DAB1: variants seen among roughly 807,000 people sequenced by gnomAD.
DAB1 encodes disabled homolog 1.
A neutral mutation model predicts 64.6 loss-of-function variants in DAB1; 15 were observed. The ratio of observed to expected loss-of-function variants is 0.23; its 90% confidence interval spans 0.16 to 0.36. The LOEUF (loss-of-function observed/expected upper bound fraction) is 0.36. DAB1 is among the 10% of genes least tolerant of loss of function. The probability of loss-of-function intolerance (pLI) is 1.00; values close to 1 mark genes in which losing one functional copy is unlikely to be tolerated. For missense variants in DAB1, 596 were observed against 706.7 expected, an observed-to-expected ratio of 0.84 and a Z score of 1.78; for synonymous variants, 235 against 251.9, an observed-to-expected ratio of 0.93 and a Z score of 0.64.
chr1:57,699,969 A>C (rs770529526), intron 6 of DAB1, among the ~76,000 whole-genome samples: 6 of 152,122 alleles, frequency 3.9e-5, no homozygotes, highest in Non-Finnish European at 8.8e-5. Flanking sequence ...ATGGTATTTT[A>C]AATAGTATGA....
At chr1:58,424,102 G>A (rs1206878969) in intron 3 of DAB1, among the ~76,000 whole-genome samples, 1 of 152,174 alleles carries the variant, frequency 6.6e-6, no homozygotes, top group Admixed American at 6.5e-5. Context: ...GAAGGGGGAG[G>A]GAGAGGCCTT....
At chr1:57,684,110 G>A (rs1345683297) in intron 6 of DAB1, among the ~76,000 whole-genome samples, 2 of 152,088 alleles carry the variant, frequency 1.3e-5, no homozygotes, top group Non-Finnish European at 2.9e-5. Context: ...TTCAAGAAAT[G>A]TGGCATTATG....
intron 6 of DAB1, among the ~76,000 whole-genome samples, chr1:57,818,584 C>A (rs535322168): frequency 6.6e-6 from 1 of 151,982 alleles, no homozygotes. Flanking sequence ...GGCTAAGCAG[C>A]TTACATACAT....
At chr1:57,739,793 C>T (rs1236199763) in intron 6 of DAB1, among the ~76,000 whole-genome samples, 2 of 151,814 alleles carry the variant, frequency 1.3e-5, no homozygotes, top group Non-Finnish European at 2.9e-5. Context: ...ACACTTAAAT[C>T]TACTCCAGCC....
chr1:57,070,288 G>T (rs995416723), intron 7 of DAB1, among the ~76,000 whole-genome samples: 1 of 152,188 alleles, frequency 6.6e-6, no homozygotes, highest in African/African-American at 2.4e-5. Flanking sequence ...ATTTTCCTTT[G>T]TGTTCAATAA....
intron 4 of DAB1, among the ~76,000 whole-genome samples, chr1:57,080,055 T>C (rs1032134194): frequency 1.3e-5 from 2 of 152,234 alleles, no homozygotes; most frequent in Non-Finnish European, 2.9e-5. Context: ...TTTACTGTTA[T>C]AGTAAAATAT....
At chr1:57,464,947 G>C (rs1052004254) in intron 7 of DAB1, among the ~76,000 whole-genome samples, 1 of 151,738 alleles carries the variant, frequency 6.6e-6, no homozygotes, top group African/African-American at 2.4e-5. Flanking sequence ...TTTGTTAACA[G>C]CTCCATCTCC....
At chr1:57,588,233 G>A (rs1645403029) in intron 7 of DAB1, among the ~76,000 whole-genome samples, 1 of 152,156 alleles carries the variant, frequency 6.6e-6, no homozygotes, top group Admixed American at 6.5e-5. Flanking sequence ...AGACCAATAG[G>A]AAACATCTGT....
intron 5 of DAB1, among the ~76,000 whole-genome samples, chr1:57,907,198 G>T (rs1247529566): frequency 6.6e-6 from 1 of 152,166 alleles, no homozygotes; most frequent in Non-Finnish European, 1.5e-5. Context: ...CAGGACATAA[G>T]CAGGGCTCTT....
At chr1:58,200,146 T>C (rs574607610) in intron 4 of DAB1, among the ~76,000 whole-genome samples, 3 of 152,080 alleles carry the variant, frequency 2.0e-5, no homozygotes, top group Non-Finnish European at 4.4e-5. Context: ...CCTGACACAT[T>C]TGAAAAGTAT....
chr1:58,499,479 T>TAGATAGATAGAC (rs1364388040), intron 3 of DAB1, among the ~76,000 whole-genome samples: 1 of 98,508 alleles, frequency 1.0e-5, no homozygotes, highest in African/African-American at 4.5e-5. Flanking sequence ...AGCCAGACTA[T>TAGATAGATAGAC]AGATAGATAG....
chr1:57,640,004 G>A (rs114666422), intron 7 of DAB1, among the ~76,000 whole-genome samples: 4,584 of 152,276 alleles, frequency 0.03, 100 homozygotes, highest in Middle Eastern at 0.054. Flanking sequence ...TGTGAAGTTG[G>A]AAGCTCTTGG....
At chr1:58,102,999 G>C (rs77374049) in intron 5 of DAB1, among the ~76,000 whole-genome samples, 2,931 of 152,198 alleles carry the variant, frequency 0.019, 48 homozygotes, top group Non-Finnish European at 0.031. Flanking sequence ...GGATAGAACT[G>C]TTTGGATCTT....
intron 1 of DAB1, among the ~76,000 whole-genome samples, chr1:57,363,877 A>T (rs141352669): frequency 3.0e-4 from 46 of 152,330 alleles, no homozygotes; most frequent in African/African-American, 1.1e-3. Context: ...ATGCCCCAGC[A>T]CAGCACAGAA....
At chr1:57,571,423 C>T (rs950038301) in intron 7 of DAB1, among the ~76,000 whole-genome samples, 2 of 152,226 alleles carry the variant, frequency 1.3e-5, no homozygotes, top group African/African-American at 4.8e-5. Flanking sequence ...GCCCTCTATT[C>T]ACTGCATGTA....
chr1:57,733,747 AAGG>A (rs551487793), intron 6 of DAB1, among the ~76,000 whole-genome samples: 2 of 152,226 alleles, frequency 1.3e-5, no homozygotes, highest in South Asian at 2.1e-4. Flanking sequence ...TTAGGGTCTG[AAGG>A]AGAAGAAGGG....
At chr1:58,220,337 A>G (rs1182717447) in intron 4 of DAB1, among the ~76,000 whole-genome samples, 1 of 152,166 alleles carries the variant, frequency 6.6e-6, no homozygotes, top group African/African-American at 2.4e-5. Flanking sequence ...GGATCCAAGC[A>G]CCCCAGGTGT....
chr1:58,134,241 C>T (rs1198687606), intron 5 of DAB1, among the ~76,000 whole-genome samples: 1 of 152,122 alleles, frequency 6.6e-6, no homozygotes, highest in Non-Finnish European at 1.5e-5. Flanking sequence ...CTGTCTGCTT[C>T]CAAGATGGTG....
chr1:58,134,131 T>C (rs1431247137), intron 5 of DAB1, among the ~76,000 whole-genome samples: 2 of 152,184 alleles, frequency 1.3e-5, no homozygotes, highest in Non-Finnish European at 2.9e-5. Flanking sequence ...ATATTTTAGA[T>C]GGGTAATTTA....
Sources: allele counts gnomAD v4.1 joint callset (sites outside exome capture counted in the v4.1 genomes callset), GRCh38; gene constraint gnomAD v4.1.1; transcripts MANE v1.5; gene names NCBI Gene and HGNC (gene_info 2026-07-23, HGNC 2026-07-21).